Variants in TANC1 observed in about 807,000 individuals in gnomAD.
The protein encoded by TANC1 is tetratricopeptide repeat, ankyrin repeat and coiled-coil containing 1, also known as protein TANC1.
A neutral mutation model predicts 149.7 loss-of-function variants in TANC1; 77 were observed. That is an observed-to-expected ratio of 0.51 (90% CI 0.43 to 0.62). TANC1 has a LOEUF of 0.62. TANC1 is among the 20% of genes least tolerant of loss of function. TANC1 has a pLI of 0.00. For synonymous variants in TANC1, 854 were observed against 925.0 expected (o/e 0.92, Z 1.39); for missense variants, 1,985 against 2,321.8 (o/e 0.85, Z 2.98).
intron 1 of TANC1, among the ~76,000 whole-genome samples, chr2:158,974,084 C>G (rs1052424783): frequency 3.3e-5 from 5 of 152,192 alleles, no homozygotes; most frequent in Non-Finnish European, 7.3e-5. Context: ...CTTTCTTCTC[C>G]TGTTGTCCTA....
At chr2:159,138,021 T>C (rs972646527) in intron 5 of TANC1, among the ~76,000 whole-genome samples, 16 of 152,234 alleles carry the variant, frequency 1.1e-4, no homozygotes, top group African/African-American at 3.9e-4. Context: ...TTGGCCACCT[T>C]TCTTGACGAA....
chr2:159,219,211 G>T (rs778862159), intron 20 of TANC1, 27 bp from the exon 21 acceptor site: 1 of 1,613,766 alleles, frequency 6.2e-7, no homozygotes, highest in Non-Finnish European at 8.5e-7. Flanking sequence ...GCAGCAGGAG[G>T]ATGGTAATTC....
intron 3 of TANC1, among the ~76,000 whole-genome samples, chr2:159,090,822 C>T (rs78114156): frequency 0.097 from 14,771 of 152,158 alleles, 754 homozygotes; most frequent in Non-Finnish European, 0.11. Context: ...CCAGTACCCA[C>T]GGAGAGGAGA....
intron 26 of TANC1, 144 bp from the exon 27 acceptor site, chr2:159,229,434 T>TA: frequency 1.5e-6 from 1 of 686,668 alleles, no homozygotes; most frequent in Non-Finnish European, 2.4e-6. Flanking sequence ...CTGGGCTGGT[T>TA]AAGTGGGTCC....
Position 159,185,878 on chromosome 2 carries a change from C to A in TANC1, c.2598C>A (p.Ile866=), listed in dbSNP as rs761786671. ...RQQTMELGHH[I]LKAHIFKGLS... ...AGACCATGGAGCTTGGCCACCACAT[C>A]CTGAAGGCGCACATTTTCAAGGTGA... is the stretch of plus-strand genomic sequence containing the variant. The change falls in exon 15 of 27, where the codon ATC becomes ATA. Residue 866 remains isoleucine, a synonymous_variant. Coordinates refer to ENST00000263635, the MANE Select transcript of TANC1 (RefSeq NM_033394.3). 1 of 1,613,728 alleles carries A rather than the reference C, an allele frequency of 6.2e-7. No homozygotes were observed. The highest frequency in any genetic ancestry group is 1.1e-5 in the South Asian group (1 of 91,060).
intron 24 of TANC1, 44 bp downstream of exon 24, chr2:159,225,823 A>G: frequency 7.1e-7 from 1 of 1,414,550 alleles, no homozygotes; most frequent in Non-Finnish European, 9.9e-7. Flanking sequence ...ACTGCCTGGG[A>G]GCACCCTCTT....
intron 2 of TANC1, among the ~76,000 whole-genome samples, chr2:159,044,620 A>G (rs2040901214): frequency 6.6e-6 from 1 of 152,100 alleles, no homozygotes; most frequent in South Asian, 2.1e-4. Context: ...AAGTGAGCAC[A>G]GCTTGGAAGA....
intron 2 of TANC1, among the ~76,000 whole-genome samples, chr2:159,024,070 C>T (rs1574184101): frequency 6.6e-6 from 1 of 151,800 alleles, no homozygotes; most frequent in Admixed American, 6.6e-5. Context: ...CTTTGTCAGT[C>T]GTGTTTCAGT....
In TANC1 at chr2:159,150,473, G is replaced by T. The variant is rs1404959668; in HGVS notation, c.599G>T (p.Ser200Ile). The T allele has an allele frequency of 1.9e-5, 30 of 1,613,994 alleles. No individual in the cohort carries two copies. The highest frequency in any genetic ancestry group is 2.5e-5 in the Non-Finnish European group (30 of 1,179,988). Residue 200 changes from serine to isoleucine, a missense_variant, in exon 7 of 27, where the codon AGC becomes ATC. Ser to Ile is a moderately radical substitution (Grantham distance 142). This residue lies in a region of TANC1 where 557 missense variants were observed against 612.9 expected (regional missense o/e 0.91). Transcript: ENST00000263635. ...TGCTCAACCTTGAATAGCTGTGTCA[G>T]CAAGACGGCAGCCAACAAAAGTCCC... is the stretch of plus-strand genomic sequence containing the variant. The part of the protein sequence containing the change: ...SPCSTLNSCV[S>I]KTAANKSPCE...
intron 2 of TANC1, among the ~76,000 whole-genome samples, chr2:159,037,431 G>A (rs556969552): frequency 4.6e-5 from 7 of 152,232 alleles, no homozygotes; most frequent in South Asian, 2.1e-4. Flanking sequence ...GTCTTTGCCC[G>A]TGCCTATGTC....
In TANC1 at chr2:159,041,365, T is replaced by C. The variant is rs567016113; in HGVS notation, c.-15-24531T>C. ...TCTGCAGAAGTTTCTGCTGCCTTTTTTTCAGCTGTGCCCTTCCCCCAGAGG... is the reference window on the plus strand; with the variant it reads ...TCTGCAGAAGTTTCTGCTGCCTTTTCTTCAGCTGTGCCCTTCCCCCAGAGG... On this transcript the variant is annotated intron_variant, in intron 2 of 26. Transcript: ENST00000263635. 7.8e-4 allele frequency among the ~76,000 whole-genome samples: 119 copies of C among 152,312 alleles called. 1 individual carries two copies. The highest frequency in any genetic ancestry group is 2.8e-3 in the Admixed American group (43 of 15,298).
chr2:158,986,329 T>C (rs1355693749), intron 1 of TANC1, among the ~76,000 whole-genome samples: 1 of 152,072 alleles, frequency 6.6e-6, no homozygotes, highest in African/African-American at 2.4e-5. Context: ...ATAACAGCAC[T>C]CTCTCAGGAG....
In TANC1 at chr2:159,042,095, T is replaced by C. The variant is rs370021773; in HGVS notation, c.-15-23801T>C. ...CCCCTGTATTACTCCCTGGTTTCCT[T>C]CCAGAGAAACCTCCTATTCTCCGTT... is the stretch of plus-strand genomic sequence containing the variant. On this transcript the variant is annotated intron_variant, in intron 2 of 26. Transcript: ENST00000263635. Among the ~76,000 whole-genome samples the C allele has an allele frequency of 9.1e-4, 138 of 152,254 alleles. 1 individual carries two copies. In the South Asian group the frequency reaches 0.019, roughly 21 times the overall value.
At chr2:159,200,734 G>A (rs1430614421) in intron 19 of TANC1, among the ~76,000 whole-genome samples, 1 of 152,128 alleles carries the variant, frequency 6.6e-6, no homozygotes, top group Non-Finnish European at 1.5e-5. Context: ...TCTACTTCAG[G>A]ATCTTACCAG....
intron 19 of TANC1, among the ~76,000 whole-genome samples, chr2:159,210,469 A>C (rs1175287290): frequency 6.6e-6 from 1 of 152,202 alleles, no homozygotes; most frequent in Non-Finnish European, 1.5e-5. Context: ...ACTTTAATAT[A>C]TAAGAGATTC....
At position 159,217,610 on chromosome 2, in the gene TANC1, G is replaced by A. The variant is rs1053284821; in HGVS notation, c.3358G>A (p.Ala1120Thr). ...RRGVPPLFCA[A>T]RQGHWQIVRL... ...AGGGGTTCCACCTTTGTTTTGTGCA[G>A]CACGCCAGGGGCATTGGCAGGTACC... The change falls in exon 20 of 27, where the codon GCA (alanine) becomes ACA (threonine). Residue 1120 changes from alanine to threonine, a missense_variant. By Grantham distance (58) the Ala-to-Thr change is moderately conservative. Around this residue, in one of 3 missense-constraint regions of TANC1, gnomAD observed 920 missense variants for 994.7 expected, o/e 0.92. Coordinates refer to ENST00000263635, the MANE Select transcript of TANC1 (RefSeq NM_033394.3). The A allele has an allele frequency of 6.2e-7, 1 of 1,614,186 alleles. No homozygotes were observed. The highest frequency in any genetic ancestry group is 8.5e-7 in the Non-Finnish European group (1 of 1,180,036).
chr2:159,228,502 C>T (rs575213364), intron 25 of TANC1: 3 of 371,606 alleles, frequency 8.1e-6, no homozygotes, highest in African/African-American at 2.0e-5. Flanking sequence ...GGAATAGATG[C>T]AGTGTCTGCG....
intron 2 of TANC1, among the ~76,000 whole-genome samples, chr2:159,042,214 G>T (rs890761871): frequency 6.6e-6 from 1 of 152,170 alleles, no homozygotes; most frequent in Admixed American, 6.5e-5. Flanking sequence ...ACCCAGCCTC[G>T]GCACGCACAA....
At chr2:159,006,518 C>T (rs2037196486) in intron 2 of TANC1, among the ~76,000 whole-genome samples, 1 of 152,072 alleles carries the variant, frequency 6.6e-6, no homozygotes, top group Admixed American at 6.6e-5. Flanking sequence ...CTCATACCTG[C>T]AACATTTGTA....
Sources: allele counts gnomAD v4.1 joint callset (sites outside exome capture counted in the v4.1 genomes callset), GRCh38; gene constraint gnomAD v4.1.1; regional missense constraint gnomAD v4.1.1; transcripts MANE v1.5; gene names NCBI Gene and HGNC (gene_info 2026-07-23, HGNC 2026-07-21).